Variants in TENM1 observed in about 807,000 individuals in gnomAD.
The protein encoded by TENM1 is teneurin-1.
TENM1 carries 35 observed loss-of-function variants against 174.8 expected under a neutral mutation model. That is an observed-to-expected ratio of 0.20 (90% CI 0.15 to 0.27). TENM1 has a LOEUF of 0.27. Among genes scored for constraint, TENM1 ranks in the 10% least tolerant of loss-of-function variants. The pLI is 1.00. For synonymous variants in TENM1, 781 were observed against 798.7 expected (o/e 0.98, Z 0.37); for missense variants, 1,633 against 2,130.1 (o/e 0.77, Z 4.59).
chrX:125,167,690 C>T, the TENM1 span, among the ~76,000 whole-genome samples: 9 of 110,989 alleles, frequency 8.1e-5, no homozygotes, highest in South Asian at 3.8e-4. Context: ...AAAGTGGGCA[C>T]GGTAAATTTT....
intron 27 of TENM1, among the ~76,000 whole-genome samples, chrX:124,401,244 G>A (rs1482375863): frequency 2.7e-5 from 3 of 111,706 alleles, no homozygotes; most frequent in East Asian, 2.8e-4. Context: ...AACATTTGAC[G>A]TCTATCATCT....
intron 3 of TENM1, among the ~76,000 whole-genome samples, chrX:124,761,362 C>T: frequency 9.1e-6 from 1 of 109,733 alleles, no homozygotes. Context: ...ATTATGTGGC[C>T]ATAAAAAAGG....
At chrX:124,992,658 C>A in the TENM1 span, among the ~76,000 whole-genome samples, 2 of 111,242 alleles carry the variant, frequency 1.8e-5, no homozygotes, top group African/African-American at 6.5e-5. Context: ...AGGGAAGGAC[C>A]TGCCCAATAC....
chrX:124,447,664 C>A (rs961405588), intron 23 of TENM1, among the ~76,000 whole-genome samples: 1 of 111,603 alleles, frequency 9.0e-6, no homozygotes, highest in Admixed American at 9.5e-5. Flanking sequence ...CCATTCCCTT[C>A]CTCTTGAAAA....
At chrX:124,934,444 T>A (rs1024853164) in intron 1 of TENM1, among the ~76,000 whole-genome samples, 1 of 112,494 alleles carries the variant, frequency 8.9e-6, no homozygotes, top group African/African-American at 3.2e-5. Context: ...ACTGCTGCTA[T>A]TGTCATGGCA....
At chrX:124,385,710 C>T (rs139796800) in exon 29 of TENM1, 15 of 1,198,008 alleles carry the variant, frequency 1.3e-5, no homozygotes, top group Middle Eastern at 2.3e-4. Context: ...CAGATGAATC[C>T]GTCATGCATC....
rs6648622 is a variant in TENM1 at position 124,748,355 on chromosome X, T to G, written c.536-11158A>C. Among the ~76,000 whole-genome samples the G allele has an allele frequency of 6.7e-3, 729 of 109,523 alleles. 3 individuals carry two copies. The highest frequency in any genetic ancestry group is 9.9e-3 in the African/African-American group (300 of 30,214). On this transcript the variant is annotated intron_variant, in intron 3 of 31. Transcript: ENST00000422452. The stretch of plus-strand genomic sequence containing the variant: ...ATGTCAAGGTATACAGATATATATA[T>G]AGAGAGAGAGATTATATATATATAT...
the TENM1 span, among the ~76,000 whole-genome samples, chrX:125,200,150 C>A: frequency 1.2e-3 from 138 of 110,911 alleles, 1 homozygote; most frequent in Non-Finnish European, 2.1e-3. Flanking sequence ...TTCCTCTGTT[C>A]TAAAAAAAAT....
intron 15 of TENM1, among the ~76,000 whole-genome samples, chrX:124,543,890 A>G (rs2048374726): frequency 8.9e-6 from 1 of 112,297 alleles, no homozygotes; most frequent in African/African-American, 3.2e-5. Context: ...TCAAAACAAG[A>G]AGGTCTGGTC....
chrX:125,082,492 G>A, the TENM1 span, among the ~76,000 whole-genome samples: 1 of 111,009 alleles, frequency 9.0e-6, no homozygotes, highest in African/African-American at 3.3e-5. Flanking sequence ...AACCATACTG[G>A]CTGGCTTTGT....
the TENM1 span, among the ~76,000 whole-genome samples, chrX:125,077,302 T>C: frequency 9.0e-6 from 1 of 111,295 alleles, no homozygotes; most frequent in East Asian, 2.8e-4. Flanking sequence ...ATACAGTTAA[T>C]AATAGATCCT....
the TENM1 span, among the ~76,000 whole-genome samples, chrX:125,047,545 C>T: frequency 9.0e-5 from 10 of 111,371 alleles, 1 homozygote; most frequent in Non-Finnish European, 1.9e-4. Context: ...CACTCACAAG[C>T]ATATTTCAGA....
Position 124,736,950 on chromosome X carries a change from C to A in TENM1, c.776+7G>T. On this transcript the variant is annotated splice_region_variant and intron_variant, in intron 4 of 31. Coordinates refer to ENST00000422452, the Ensembl canonical transcript of TENM1. ...AAGTTTAGTGGGATCAATAATAGCT[C>A]AAGTACCTGGTCTCCAATGGTATGT... The A allele has an allele frequency of 8.3e-7, 1 of 1,200,766 alleles. No homozygotes were observed. Among genetic ancestry groups the A allele is most frequent in the South Asian group, 1.8e-5 (1 of 54,701 alleles).
chrX:125,071,637 G>C, the TENM1 span, among the ~76,000 whole-genome samples: 1 of 111,026 alleles, frequency 9.0e-6, no homozygotes, highest in South Asian at 3.8e-4. Flanking sequence ...AGTAAATCAA[G>C]ACTTTTCTAT....
At chrX:124,751,836 G>A (rs1478074175) in intron 3 of TENM1, among the ~76,000 whole-genome samples, 2 of 109,656 alleles carry the variant, frequency 1.8e-5, no homozygotes, top group African/African-American at 6.6e-5. Flanking sequence ...ATTTTTTATG[G>A]CTGCATAGTA....
At chrX:124,586,202 C>T (rs1426980873) in intron 11 of TENM1, among the ~76,000 whole-genome samples, 3 of 110,987 alleles carry the variant, frequency 2.7e-5, no homozygotes, top group Non-Finnish European at 5.7e-5. Context: ...CCAGCATCAT[C>T]CTGATACCAA....
chrX:124,659,964 T>C (rs1266412737), intron 6 of TENM1, among the ~76,000 whole-genome samples: 1 of 111,173 alleles, frequency 9.0e-6, no homozygotes, highest in African/African-American at 3.3e-5. Context: ...TCATACCATA[T>C]ACAAAAAACA....
chrX:124,485,987 TA>T (rs1221419788), intron 21 of TENM1, among the ~76,000 whole-genome samples: 1 of 111,920 alleles, frequency 8.9e-6, no homozygotes, highest in Non-Finnish European at 1.9e-5. Context: ...AAGTGAAATC[TA>T]ATCAATGTTA....
chrX:124,703,718 G>A (rs1603032523), intron 5 of TENM1, among the ~76,000 whole-genome samples: 2 of 111,207 alleles, frequency 1.8e-5, no homozygotes, highest in Admixed American at 1.9e-4. Context: ...CTCATCCTTC[G>A]CCTCCATTCC....
Sources: allele counts gnomAD v4.1 joint callset (sites outside exome capture counted in the v4.1 genomes callset), GRCh38; gene constraint gnomAD v4.1.1; transcripts MANE v1.5; gene names NCBI Gene and HGNC (gene_info 2026-07-23, HGNC 2026-07-21).